Variants in MYPN observed in about 807,000 individuals in gnomAD.
MYPN encodes myopalladin, also known as sarcomeric protein myopalladin, 145 kDa (MYOP).
MYPN carries 63 observed loss-of-function variants against 129.4 expected under a neutral mutation model. The observed-to-expected ratio is 0.49, with a 90% CI of 0.40 to 0.60. The LOEUF (loss-of-function observed/expected upper bound fraction) is 0.60, where lower values mean the gene tolerates loss of function less well. Among genes scored for constraint, MYPN ranks in the 20% least tolerant of loss-of-function variants. MYPN has a pLI of 0.00. For missense variants in MYPN, 1,596 were observed against 1,635.4 expected (o/e 0.98, Z 0.42); for synonymous variants, 629 against 600.9 (o/e 1.05, Z -0.68).
chr10:68,148,710 G>C (rs970305132), intron 5 of MYPN, among the ~76,000 whole-genome samples: 13 of 152,172 alleles, frequency 8.5e-5, no homozygotes, highest in African/African-American at 3.1e-4. Flanking sequence ...TGGCTTTTCA[G>C]CTTTATAAAG....
intron 1 of MYPN, among the ~76,000 whole-genome samples, chr10:68,093,800 C>G (rs1160931952): frequency 6.6e-6 from 1 of 151,920 alleles, no homozygotes; most frequent in Non-Finnish European, 1.5e-5. Flanking sequence ...ATAGCTACTC[C>G]GTAGGCAGAG....
chr10:68,119,941 A>G (rs1217607955), intron 1 of MYPN, among the ~76,000 whole-genome samples: 1 of 152,078 alleles, frequency 6.6e-6, no homozygotes, highest in African/African-American at 2.4e-5. Flanking sequence ...GACAGTTCCT[A>G]GGAAGCCTTT....
At chr10:68,097,697 C>T (rs573200747) in intron 1 of MYPN, among the ~76,000 whole-genome samples, 1 of 152,042 alleles carries the variant, frequency 6.6e-6, no homozygotes, top group Admixed American at 6.6e-5. Flanking sequence ...TGGAATACAG[C>T]TCTAAATACT....
At chr10:68,200,841 T>G (rs1310428159) in intron 17 of MYPN, among the ~76,000 whole-genome samples, 1 of 152,086 alleles carries the variant, frequency 6.6e-6, no homozygotes, top group East Asian at 1.9e-4. Flanking sequence ...CCTGTATATC[T>G]TTTTCCTTCC....
At chr10:68,138,173 G>T (rs1322798632) in intron 2 of MYPN, among the ~76,000 whole-genome samples, 1 of 150,750 alleles carries the variant, frequency 6.6e-6, no homozygotes, top group African/African-American at 2.4e-5. Context: ...CGCGATTTTG[G>T]CTCATTGCAA....
At chr10:68,160,275 C>T (rs1199636670) in intron 7 of MYPN, among the ~76,000 whole-genome samples, 2 of 150,228 alleles carry the variant, frequency 1.3e-5, no homozygotes, top group Non-Finnish European at 3.0e-5. Context: ...CAAAAAAAAC[C>T]AAAAACTCAG....
At chr10:68,161,993 C>T in intron 8 of MYPN, 2 of 345,980 alleles carry the variant, frequency 5.8e-6, no homozygotes, top group Non-Finnish European at 1.1e-5. Context: ...CAAAATGAAA[C>T]CCCATCTCTA....
intron 6 of MYPN, among the ~76,000 whole-genome samples, chr10:68,154,041 C>A (rs768253082): frequency 6.6e-6 from 1 of 152,042 alleles, no homozygotes; most frequent in African/African-American, 2.4e-5. Flanking sequence ...AGGAGAGTAG[C>A]CCAGCAAAAC....
intron 2 of MYPN, among the ~76,000 whole-genome samples, chr10:68,135,046 G>A (rs2042465788): frequency 6.6e-6 from 1 of 151,880 alleles, no homozygotes. Flanking sequence ...TTGTCTCCTG[G>A]GTTCAAGCGA....
At position 68,166,394 on chromosome 10, in the gene MYPN, T is replaced by C. The variant is rs1335194362; in HGVS notation, c.1701T>C (p.Pro567=). ...AGCCCTCCCCACCCCACTCAGAGCC[T>C]CCATCTGTGGAACAACCCCCCAAAC... ...EPQPSPPHSE[P]PSVEQPPKPK... is the part of the protein sequence containing the mutation. The change falls in exon 10 of 20, where the codon CCT becomes CCC. Residue 567 remains proline (P), a synonymous_variant. Coordinates refer to ENST00000358913, the MANE Select transcript of MYPN (RefSeq NM_032578.4). 1.9e-6 allele frequency: 3 copies of C among 1,613,994 alleles called. No individual in the cohort carries two copies. The highest frequency in any genetic ancestry group is 2.5e-6 in the Non-Finnish European group (3 of 1,179,994).
intron 2 of MYPN, 95 bp from the exon 3 acceptor site, chr10:68,142,845 T>A: frequency 4.1e-6 from 5 of 1,207,290 alleles, no homozygotes; most frequent in Non-Finnish European, 6.2e-6. Flanking sequence ...TTGTTCTGAC[T>A]TCAAATGAAG....
intron 12 of MYPN, among the ~76,000 whole-genome samples, chr10:68,182,681 T>C (rs2043356792): frequency 6.6e-6 from 1 of 151,890 alleles, no homozygotes. Context: ...TACTTTTTTG[T>C]ATTTTTAGTA....
At position 68,138,398 on chromosome 10, in the gene MYPN, G is replaced by A. The variant is rs575174520; in HGVS notation, c.903-4542G>A. ...ATTACAGGCATGAGCCACTGTGCCC[G>A]GCCTCTTTTTCTTTCTTGTTTCTTT... On this transcript the variant is annotated intron_variant, in intron 2 of 19. Transcript: ENST00000358913. Among the ~76,000 whole-genome samples, 8 of 151,384 alleles carry A rather than the reference G, an allele frequency of 5.3e-5. No individual in the cohort carries two copies. In the East Asian group the frequency reaches 1.2e-3, roughly 22 times the overall value.
chr10:68,103,448 C>A (rs2041991585), upstream of MYPN, among the ~76,000 whole-genome samples: 1 of 152,146 alleles, frequency 6.6e-6, no homozygotes, highest in Non-Finnish European at 1.5e-5. Context: ...TGCTATTTTT[C>A]TGTACCCTTC....
rs1319058467 is a variant in MYPN at position 68,211,319 on chromosome 10, T to C, written c.*864T>C. 4.4e-6 allele frequency: 2 copies of C among 454,064 alleles called. No individual in the cohort carries two copies. Among genetic ancestry groups the C allele is most frequent in the Non-Finnish European group, 8.8e-6 (2 of 226,786 alleles). 28.1% of individuals were successfully genotyped at this position (454,064 alleles called of 1,614,324 possible). On this transcript the variant is annotated 3_prime_UTR_variant, in exon 20 of 20. Transcript: ENST00000358913. The stretch of plus-strand genomic sequence containing the variant: ...ATGTGCAAGAGTCATCATTTGCCCA[T>C]AAAATACACCTCATGGGCTCCTACC...
chr10:68,163,421 T>G (rs1461248346), intron 8 of MYPN, among the ~76,000 whole-genome samples: 1 of 151,726 alleles, frequency 6.6e-6, no homozygotes, highest in African/African-American at 2.4e-5. Flanking sequence ...GGTCAGGAGA[T>G]CGAGACCATC....
chr10:68,128,530 G>A (rs1361601388), intron 2 of MYPN, among the ~76,000 whole-genome samples: 1 of 151,962 alleles, frequency 6.6e-6, no homozygotes, highest in Non-Finnish European at 1.5e-5. Context: ...AATATTAAGT[G>A]CCTATTTATG....
intron 13 of MYPN, among the ~76,000 whole-genome samples, chr10:68,193,309 G>T (rs6480309): frequency 6.6e-6 from 1 of 151,800 alleles, no homozygotes; most frequent in African/African-American, 2.4e-5. Flanking sequence ...AAATAGTCAC[G>T]CTAAAAAGAA....
At chr10:68,133,043 T>TTTTTTTA (rs2042434007) in intron 2 of MYPN, among the ~76,000 whole-genome samples, 1 of 143,016 alleles carries the variant, frequency 7.0e-6, no homozygotes, top group East Asian at 2.3e-4. Context: ...TTTTTTTTTT[T>TTTTTTTA]GAGATGGAGT....
Sources: allele counts gnomAD v4.1 joint callset (sites outside exome capture counted in the v4.1 genomes callset), GRCh38; gene constraint gnomAD v4.1.1; transcripts MANE v1.5; gene names NCBI Gene and HGNC (gene_info 2026-07-23, HGNC 2026-07-21).